Variants in ROBO2 observed in about 807,000 individuals in gnomAD.
ROBO2 encodes roundabout guidance receptor 2, also known as roundabout homolog 2.
ROBO2 carries 53 observed loss-of-function variants against 160.8 expected under a neutral mutation model. The observed-to-expected ratio is 0.33, with a 90% CI of 0.26 to 0.41. ROBO2 has a LOEUF of 0.41. ROBO2 is among the 10% of genes least tolerant of loss of function. The pLI is 1.00. For missense variants in ROBO2, 1,577 were observed against 1,722.4 expected (o/e 0.92, Z 1.49); for synonymous variants, 664 against 611.7 (o/e 1.09, Z -1.26).
At chr3:77,550,015 A>G (rs869107705) in intron 7 of ROBO2, among the ~76,000 whole-genome samples, 1 of 151,652 alleles carries the variant, frequency 6.6e-6, no homozygotes, top group African/African-American at 2.4e-5. Flanking sequence ...TAATTGAACA[A>G]CAGTAAAGCA....
At chr3:76,067,594 C>A (rs2068298907) in intron 2 of ROBO2, among the ~76,000 whole-genome samples, 1 of 152,010 alleles carries the variant, frequency 6.6e-6, no homozygotes, top group African/African-American at 2.4e-5. Flanking sequence ...TTATTCTTAT[C>A]CTGTAGCATT....
At chr3:76,961,662 G>A (rs1347429275) in intron 2 of ROBO2, among the ~76,000 whole-genome samples, 1 of 152,140 alleles carries the variant, frequency 6.6e-6, no homozygotes, top group Admixed American at 6.5e-5. Context: ...TACACTTTCA[G>A]AGCCTCAGGT....
chr3:77,253,768 C>T (rs1355675929), intron 2 of ROBO2, among the ~76,000 whole-genome samples: 2 of 152,084 alleles, frequency 1.3e-5, no homozygotes, highest in Admixed American at 6.6e-5. Context: ...TTTTCAGAGA[C>T]AAATGTGAAT....
At chr3:77,462,716 A>G (rs2082369567) in intron 2 of ROBO2, among the ~76,000 whole-genome samples, 1 of 152,200 alleles carries the variant, frequency 6.6e-6, no homozygotes, top group South Asian at 2.1e-4. Context: ...AAAGAAGTAT[A>G]AAGTAGATGC....
intron 2 of ROBO2, among the ~76,000 whole-genome samples, chr3:77,321,974 T>C (rs974355915): frequency 3.9e-5 from 6 of 152,044 alleles, no homozygotes; most frequent in Non-Finnish European, 8.8e-5. Context: ...CCATGGGAAG[T>C]GGTTCTGAGC....
At chr3:76,977,351 C>A (rs1156693075) in intron 2 of ROBO2, among the ~76,000 whole-genome samples, 1 of 152,070 alleles carries the variant, frequency 6.6e-6, no homozygotes, top group East Asian at 1.9e-4. Flanking sequence ...CCTAATTGAA[C>A]CAGTGAGAGG....
chr3:76,430,346 T>C (rs1383200988), intron 2 of ROBO2, among the ~76,000 whole-genome samples: 1 of 152,190 alleles, frequency 6.6e-6, no homozygotes, highest in Admixed American at 6.5e-5. Context: ...ACAGTTAGTA[T>C]GAAAACACAT....
At chr3:76,097,070 T>C (rs1162220665) in intron 2 of ROBO2, among the ~76,000 whole-genome samples, 1 of 152,042 alleles carries the variant, frequency 6.6e-6, no homozygotes, top group Admixed American at 6.6e-5. Flanking sequence ...TAAAAAAAAG[T>C]GACCCCAGGT....
intron 2 of ROBO2, among the ~76,000 whole-genome samples, chr3:76,218,446 A>G (rs1408832430): frequency 1.3e-5 from 2 of 152,224 alleles, no homozygotes; most frequent in Non-Finnish European, 2.9e-5. Flanking sequence ...CCTTAAGCTG[A>G]TAAGCAACTT....
At chr3:76,921,719 C>T (rs1485640381) in intron 2 of ROBO2, among the ~76,000 whole-genome samples, 1 of 151,954 alleles carries the variant, frequency 6.6e-6, no homozygotes, top group African/African-American at 2.4e-5. Context: ...GGTGAAGCAC[C>T]ATTCTTGGCA....
At chr3:77,646,153 G>A (rs2095411203) in exon 26 of ROBO2, 1 of 816,886 alleles carries the variant, frequency 1.2e-6, no homozygotes, top group Non-Finnish European at 1.9e-6. Flanking sequence ...ATTTATTTAT[G>A]TACTATTAAA....
At chr3:76,161,189 A>G (rs903352884) in intron 2 of ROBO2, among the ~76,000 whole-genome samples, 2 of 151,766 alleles carry the variant, frequency 1.3e-5, no homozygotes, top group East Asian at 2.0e-4. Flanking sequence ...AAAAAAATAC[A>G]GTGACTCTGA....
chr3:77,208,771 A>T (rs1379687866), intron 2 of ROBO2, among the ~76,000 whole-genome samples: 1 of 152,188 alleles, frequency 6.6e-6, no homozygotes, highest in Non-Finnish European at 1.5e-5. Context: ...CTTGAGGAGA[A>T]GAAAGAAAAC....
intron 2 of ROBO2, among the ~76,000 whole-genome samples, chr3:76,142,479 C>T (rs2071709129): frequency 6.6e-6 from 1 of 151,886 alleles, no homozygotes; most frequent in South Asian, 2.1e-4. Context: ...TACTATTCAG[C>T]CACAAAAGAA....
At chr3:76,587,753 T>G (rs559788069) in intron 2 of ROBO2, among the ~76,000 whole-genome samples, 15 of 152,312 alleles carry the variant, frequency 9.8e-5, no homozygotes, top group African/African-American at 3.1e-4. Flanking sequence ...AATGAGTTCT[T>G]TCTACATCAG....
chr3:76,622,222 G>A (rs1158627465), intron 2 of ROBO2, among the ~76,000 whole-genome samples: 20 of 52,476 alleles, frequency 3.8e-4, no homozygotes, highest in African/African-American at 1.5e-3. Flanking sequence ...AAGGAAGGAA[G>A]GAAGGAAGGA....
At chr3:76,072,069 T>A (rs1483475360) in intron 2 of ROBO2, among the ~76,000 whole-genome samples, 2 of 152,194 alleles carry the variant, frequency 1.3e-5, no homozygotes, top group Non-Finnish European at 2.9e-5. Context: ...AAAAAAATGA[T>A]GTTTCTCAAA....
At chr3:76,108,016 T>A (rs1034353023) in intron 2 of ROBO2, among the ~76,000 whole-genome samples, 3 of 152,080 alleles carry the variant, frequency 2.0e-5, no homozygotes, top group African/African-American at 7.2e-5. Flanking sequence ...TATAATGCAT[T>A]TTAGGATGTG....
Position 77,294,635 on chromosome 3 carries a change from T to C in ROBO2, c.389-182779T>C, listed in dbSNP as rs541768461. ...AAAGTAAAATTGACGGTTAAACGGG[T>C]AAGCTGAGGCTAGATCACCCCAGAC... On this transcript the variant is annotated intron_variant, in intron 2 of 25. Transcript: ENST00000461745. 2.6e-3 allele frequency among the ~76,000 whole-genome samples: 389 copies of C among 148,268 alleles called. 22 individuals carry two copies. The highest frequency in any genetic ancestry group is 9.8e-3 in the African/African-American group (373 of 38,244).
Sources: allele counts gnomAD v4.1 joint callset (sites outside exome capture counted in the v4.1 genomes callset), GRCh38; gene constraint gnomAD v4.1.1; transcripts MANE v1.5; gene names NCBI Gene and HGNC (gene_info 2026-07-23, HGNC 2026-07-21).